NEURL1: variants seen among roughly 807,000 people sequenced by gnomAD.
The protein encoded by NEURL1 is E3 ubiquitin-protein ligase NEURL1.
Under a neutral mutation model 41.2 loss-of-function variants are expected in NEURL1, and 26 were observed. The ratio of observed to expected loss-of-function variants is 0.63; its 90% CI spans 0.46 to 0.87. The LOEUF (loss-of-function observed/expected upper bound fraction) is 0.87, where lower values mean the gene tolerates loss of function less well. Among genes scored for constraint, NEURL1 ranks in the 40% least tolerant of loss-of-function variants. The pLI is 0.00. For missense variants in NEURL1, 761 were observed against 871.1 expected (o/e 0.87, Z 1.59); for synonymous variants, 400 against 402.3 (o/e 0.99, Z 0.07).
intron 4 of NEURL1, among the ~76,000 whole-genome samples, chr10:103,588,539 G>C (rs1057217141): frequency 6.6e-6 from 1 of 152,094 alleles, no homozygotes; most frequent in African/African-American, 2.4e-5. Flanking sequence ...TGAAGTCAGG[G>C]GCTGTCTCTA....
At position 103,508,200 on chromosome 10, in the gene NEURL1, T is replaced by C. The variant is rs2033991270; in HGVS notation, c.85+13728T>C. Among the ~76,000 whole-genome samples the C allele has an allele frequency of 6.6e-6, 1 of 152,118 alleles. No homozygotes were observed. On this transcript the variant is annotated intron_variant, in intron 1 of 5. Coordinates refer to ENST00000369780, the MANE Select transcript of NEURL1 (RefSeq NM_004210.5). This position sits in a 1 kb window ranked among gnomAD's most constrained non-coding sequence, Gnocchi z 4.3. The stretch of plus-strand genomic sequence containing the variant: ...GGGACTTCTCACAGGGTCAGGTCCC[T>C]CGAATTTGAAAAGCATGTAACCAAC...
intron 1 of NEURL1, chr10:103,555,481 A>G: frequency 7.8e-7 from 1 of 1,277,298 alleles, no homozygotes; most frequent in South Asian, 1.2e-5. Context: ...GGCCGGGCGG[A>G]GGGGCGCTGG....
chr10:103,547,036 G>A (rs551910072), intron 1 of NEURL1, among the ~76,000 whole-genome samples: 17 of 152,336 alleles, frequency 1.1e-4, no homozygotes, highest in African/African-American at 2.9e-4. Context: ...ACATACTAGC[G>A]CTTCCCATGC....
chr10:103,548,407 C>T (rs964885831), intron 1 of NEURL1, among the ~76,000 whole-genome samples: 1 of 152,232 alleles, frequency 6.6e-6, no homozygotes, highest in Admixed American at 6.5e-5. Context: ...ACTGCAACCT[C>T]CACCTCCCGG....
intron 1 of NEURL1, among the ~76,000 whole-genome samples, chr10:103,542,559 G>C (rs2034842617): frequency 6.6e-6 from 1 of 152,138 alleles, no homozygotes; most frequent in South Asian, 2.1e-4. Flanking sequence ...CACCACACTT[G>C]GCTCTACCAG....
chr10:103,517,095 C>T (rs187896393), intron 1 of NEURL1, among the ~76,000 whole-genome samples: 443 of 144,860 alleles, frequency 3.1e-3, no homozygotes, highest in Middle Eastern at 0.014. Context: ...GGCGTGATCT[C>T]GTCTTACTGC....
intron 1 of NEURL1, among the ~76,000 whole-genome samples, chr10:103,563,220 C>T (rs142023146): frequency 1.6e-3 from 248 of 152,288 alleles, no homozygotes; most frequent in East Asian, 7.3e-3. Context: ...CCTTATGTTG[C>T]GATCAAGTGT....
chr10:103,518,971 G>T (rs993448968), intron 1 of NEURL1, among the ~76,000 whole-genome samples: 1 of 152,084 alleles, frequency 6.6e-6, no homozygotes, highest in Admixed American at 6.6e-5. Flanking sequence ...TTTTATAGGC[G>T]CAGTGTCTCA....
intron 4 of NEURL1, among the ~76,000 whole-genome samples, chr10:103,585,976 C>CA: frequency 6.6e-6 from 1 of 151,378 alleles, no homozygotes; most frequent in South Asian, 2.1e-4. Flanking sequence ...TGTCAGTAGT[C>CA]AGGTGGTGCA....
At chr10:103,550,155 G>A (rs752674902) in intron 1 of NEURL1, among the ~76,000 whole-genome samples, 4 of 152,224 alleles carry the variant, frequency 2.6e-5, no homozygotes, top group Non-Finnish European at 5.9e-5. Flanking sequence ...GGAATGAGGT[G>A]CTAGGCCTTG....
At chr10:103,524,170 T>C (rs2034414854) in intron 1 of NEURL1, among the ~76,000 whole-genome samples, 1 of 152,246 alleles carries the variant, frequency 6.6e-6, no homozygotes, top group African/African-American at 2.4e-5. Flanking sequence ...TCATTTTGAT[T>C]TGCATATCCC....
At chr10:103,588,668 C>T (rs973664407) in intron 4 of NEURL1, 55 of 405,176 alleles carry the variant, frequency 1.4e-4, no homozygotes, top group African/African-American at 7.1e-4. Flanking sequence ...AGAGGAAGGC[C>T]GGGCGCAGCG....
At position 103,556,078 on chromosome 10, in the gene NEURL1, G is replaced by A. The variant is rs890834514; in HGVS notation, c.86-14794G>A. Reference sequence around the variant, plus strand: ...CGCTTCTCCAAGTGTGTGCTCTGTGGGGGAGGCCAGAGAACTTCTGAGCCC... The same window carrying A: ...CGCTTCTCCAAGTGTGTGCTCTGTGAGGGAGGCCAGAGAACTTCTGAGCCC... On this transcript the variant is annotated intron_variant, in intron 1 of 5. Transcript: ENST00000369780. This position sits in a 1 kb window ranked among gnomAD's most constrained non-coding sequence, Gnocchi z 4.4. Among the ~76,000 whole-genome samples the A allele has an allele frequency of 6.6e-6, 1 of 152,220 alleles. No individual in the cohort carries two copies. The highest frequency in any genetic ancestry group is 2.4e-5 in the African/African-American group (1 of 41,460).
At chr10:103,565,716 G>C (rs1244891198) in intron 1 of NEURL1, among the ~76,000 whole-genome samples, 1 of 152,184 alleles carries the variant, frequency 6.6e-6, no homozygotes, top group Non-Finnish European at 1.5e-5. Flanking sequence ...GAGTGCAATG[G>C]TGCTCTCACG....
chr10:103,500,392 A>G (rs1345761032), intron 1 of NEURL1, among the ~76,000 whole-genome samples: 2 of 152,216 alleles, frequency 1.3e-5, no homozygotes, highest in African/African-American at 4.8e-5. Context: ...CCCAGTCCAC[A>G]CAGTTAGAAA....
chr10:103,509,925 T>TG (rs1271266415), intron 1 of NEURL1, among the ~76,000 whole-genome samples: 1 of 152,106 alleles, frequency 6.6e-6, no homozygotes, highest in East Asian at 1.9e-4. Context: ...GATTTGTGAT[T>TG]GTGTTTCAGT....
chr10:103,561,279 G>C (rs1330735977), intron 1 of NEURL1, among the ~76,000 whole-genome samples: 3 of 140,652 alleles, frequency 2.1e-5, no homozygotes, highest in Non-Finnish European at 3.1e-5. Context: ...TTTTTTTTTC[G>C]AGACAGAGTC....
At chr10:103,522,208 G>A (rs1035077398) in intron 1 of NEURL1, among the ~76,000 whole-genome samples, 2 of 152,134 alleles carry the variant, frequency 1.3e-5, no homozygotes, top group Non-Finnish European at 2.9e-5. Flanking sequence ...CCATCCGGAT[G>A]TTTACGTGCA....
intron 1 of NEURL1, among the ~76,000 whole-genome samples, chr10:103,495,978 C>G (rs926902749): frequency 2.0e-5 from 3 of 152,068 alleles, no homozygotes; most frequent in Non-Finnish European, 4.4e-5. Context: ...CATAGTGGTG[C>G]GTGCCTATGA....
Sources: gnomAD v4.1 joint callset for allele counts (sites outside exome capture counted in the v4.1 genomes callset) on GRCh38, gnomAD v4.1.1 for gene constraint, Gnocchi (gnomAD v3.1) non-coding constraint, MANE v1.5 for transcripts, NCBI Gene and HGNC (gene_info 2026-07-23, HGNC 2026-07-21) for gene names.